ACMSD: variants seen among roughly 807,000 people sequenced by gnomAD.
ACMSD encodes the protein 2-amino-3-carboxymuconate-6-semialdehyde decarboxylase.
In ACMSD, 37 loss-of-function variants were observed where a neutral mutation model predicts 45.9. The observed-to-expected ratio is 0.81, with a 90% CI of 0.62 to 1.06. ACMSD has a LOEUF of 1.06. Ranked by LOEUF, ACMSD falls within the 50% of genes least tolerant of loss-of-function variation. The pLI is 0.00. For missense variants in ACMSD, 434 were observed against 420.9 expected, an observed-to-expected ratio of 1.03 and a Z score of -0.27; for synonymous variants, 138 against 148.8, an observed-to-expected ratio of 0.93 and a Z score of 0.53.
chr2:134,869,613 G>A (rs1332352704), intron 6 of ACMSD, among the ~76,000 whole-genome samples: 1 of 151,968 alleles, frequency 6.6e-6, no homozygotes, highest in African/African-American at 2.4e-5. Flanking sequence ...TAGCATGCCA[G>A]GCCCTGTCCG....
At chr2:134,873,628 C>A (rs1441796561) in intron 8 of ACMSD, 1 of 152,178 alleles carries the variant, frequency 6.6e-6, no homozygotes, top group Non-Finnish European at 1.5e-5. Context: ...GACACTTTAT[C>A]TCATATTAAT....
chr2:134,878,329 G>A (rs542826737), intron 8 of ACMSD, among the ~76,000 whole-genome samples: 20 of 152,130 alleles, frequency 1.3e-4, no homozygotes, highest in East Asian at 7.7e-4. Flanking sequence ...CATTCTTTTC[G>A]TTTTGTTTTG....
Position 134,854,201 on chromosome 2 carries a change from T to C in ACMSD, c.103-5060T>C, listed in dbSNP as rs369650913. 4.6e-5 allele frequency among the ~76,000 whole-genome samples: 7 copies of C among 152,224 alleles called. No individual in the cohort carries two copies. The South Asian group carries it at 1.5e-3, about 32-fold the overall frequency. ...TTGCAGTTGATAATACATGGTAAAA[T>C]CTGGCTGTTATTTATTGAGCATGCT... On this transcript the variant is annotated intron_variant, in intron 2 of 9. Coordinates refer to ENST00000356140, the MANE Select transcript of ACMSD (RefSeq NM_138326.3).
chr2:134,848,225 T>C (rs1039891024), intron 2 of ACMSD, among the ~76,000 whole-genome samples: 14 of 152,248 alleles, frequency 9.2e-5, no homozygotes, highest in Admixed American at 7.9e-4. Context: ...TTGTGAATAG[T>C]GCTGCAGTAA....
chr2:134,900,016 A>C (rs1289903685), intron 9 of ACMSD, among the ~76,000 whole-genome samples: 1 of 152,170 alleles, frequency 6.6e-6, no homozygotes, highest in African/African-American at 2.4e-5. Flanking sequence ...GGGAAGAAAA[A>C]GGCACTAGGA....
At chr2:134,862,903 C>A (rs146211608) in intron 4 of ACMSD, 1 of 941,140 alleles carries the variant, frequency 1.1e-6, no homozygotes, top group African/African-American at 1.8e-5. Flanking sequence ...CAAGGACAGC[C>A]CTGAATGTCA....
chr2:134,894,015 A>G (rs1264539877), intron 8 of ACMSD, among the ~76,000 whole-genome samples: 1 of 152,198 alleles, frequency 6.6e-6, no homozygotes, highest in African/African-American at 2.4e-5. Context: ...TATATTAAAA[A>G]AGAAGAAAGA....
intron 8 of ACMSD, among the ~76,000 whole-genome samples, chr2:134,875,458 T>G (rs1166834764): frequency 6.6e-6 from 1 of 152,232 alleles, no homozygotes; most frequent in Non-Finnish European, 1.5e-5. Flanking sequence ...ATTGAGCACC[T>G]GCTATTTCTA....
intron 1 of ACMSD, among the ~76,000 whole-genome samples, chr2:134,842,898 C>T (rs1307192255): frequency 6.6e-6 from 1 of 152,140 alleles, no homozygotes; most frequent in Non-Finnish European, 1.5e-5. Flanking sequence ...CCTATCCTTC[C>T]CCAGATGGAA....
chr2:134,839,717 G>A (rs563030236), intron 1 of ACMSD, among the ~76,000 whole-genome samples: 1 of 152,296 alleles, frequency 6.6e-6, no homozygotes, highest in Non-Finnish European at 1.5e-5. Flanking sequence ...AGGGGTGGTA[G>A]AAACTGTGGA....
chr2:134,894,244 G>C (rs977555206), intron 8 of ACMSD, among the ~76,000 whole-genome samples: 1 of 151,608 alleles, frequency 6.6e-6, no homozygotes, highest in African/African-American at 2.4e-5. Context: ...CAAAAATAAA[G>C]AAAAAAGATT....
At chr2:134,859,584 T>C (rs1278801633) in intron 3 of ACMSD, 2 of 394,412 alleles carry the variant, frequency 5.1e-6, no homozygotes, top group Non-Finnish European at 9.0e-6. Context: ...AATAGAATGC[T>C]ATATCATGAA....
At chr2:134,899,882 C>T (rs2104976544) in intron 9 of ACMSD, among the ~76,000 whole-genome samples, 1 of 152,172 alleles carries the variant, frequency 6.6e-6, no homozygotes, top group East Asian at 1.9e-4. Context: ...TAGTATACTT[C>T]CATTTGTAGA....
At chr2:134,877,011 G>A (rs6738113) in intron 8 of ACMSD, among the ~76,000 whole-genome samples, 76,292 of 151,932 alleles carry the variant, frequency 0.5, 20,034 homozygotes, top group Middle Eastern at 0.81. Flanking sequence ...GACTTCAGGT[G>A]ATCCACCCAC....
Position 134,878,328 on chromosome 2 carries a change from C to T in ACMSD, c.849+5687C>T, listed in dbSNP as rs980476554. On this transcript the variant is annotated intron_variant, in intron 8 of 9. Coordinates refer to ENST00000356140, the MANE Select transcript of ACMSD (RefSeq NM_138326.3). ...AACCATTCAACAAAAACATTCTTTT[C>T]GTTTTGTTTTGTTTTTGAGACAGGG... 4.6e-5 allele frequency among the ~76,000 whole-genome samples: 7 copies of T among 152,070 alleles called. No homozygotes were observed. The South Asian group carries it at 1.0e-3, about 23-fold the overall frequency.
At chr2:134,870,563 C>G (rs1015870004) in intron 6 of ACMSD, among the ~76,000 whole-genome samples, 1 of 152,180 alleles carries the variant, frequency 6.6e-6, no homozygotes, top group Non-Finnish European at 1.5e-5. Flanking sequence ...AAATGGGCAA[C>G]ACAGACGTCA....
chr2:134,898,402 TA>T lies in ACMSD; in HGVS notation c.913del (p.Ile305Ter), dbSNP rs1690301624. Reference sequence around the variant, plus strand: ...CTAGGTGAGCTGGAACCTGGGAAACTAATAGAGTCCATGGAAGAATTTGATG... The same window carrying T: ...CTAGGTGAGCTGGAACCTGGGAAACTATAGAGTCCATGGAAGAATTTGATG... ...FPLGELEPGK[L>X]IESMEEFDEE... On this transcript the variant is annotated frameshift_variant, in exon 9 of 10. Transcript: ENST00000356140. LOFTEE classifies it high-confidence loss of function. The T allele has an allele frequency of 6.2e-7, 1 of 1,602,552 alleles. No homozygotes were observed. Among genetic ancestry groups the T allele is most frequent in the Admixed American group, 1.7e-5 (1 of 57,530 alleles).
chr2:134,847,726 T>C (rs556337551), intron 2 of ACMSD, among the ~76,000 whole-genome samples: 207 of 152,348 alleles, frequency 1.4e-3, no homozygotes, highest in Non-Finnish European at 2.2e-3. Context: ...TTTCTGTTCC[T>C]GTGTTAGTTG....
At chr2:134,840,405 G>C (rs910066125) in intron 1 of ACMSD, among the ~76,000 whole-genome samples, 4 of 151,984 alleles carry the variant, frequency 2.6e-5, no homozygotes, top group African/African-American at 9.7e-5. Flanking sequence ...TTGAGGCTTA[G>C]AGAGAGCTAC....
Sources: allele counts gnomAD v4.1 joint callset (sites outside exome capture counted in the v4.1 genomes callset), GRCh38; gene constraint gnomAD v4.1.1; transcripts MANE v1.5; gene names NCBI Gene and HGNC (gene_info 2026-07-23, HGNC 2026-07-21).